The following PPP2R1B variants were observed in gnomAD, a reference collection of about 807,000 sequenced individuals.
PPP2R1B encodes the protein protein phosphatase 2 scaffold subunit Abeta.
Under a neutral mutation model 72.7 loss-of-function variants are expected in PPP2R1B, and 58 were observed. That is an observed-to-expected ratio of 0.80 (90% CI 0.65 to 0.99). The LOEUF is 0.99. Among genes scored for constraint, PPP2R1B ranks in the 50% least tolerant of loss-of-function variants. The pLI, the probability that PPP2R1B is intolerant of heterozygous loss-of-function variation, is 0.00. For synonymous variants in PPP2R1B, 256 were observed against 264.6 expected, an observed-to-expected ratio of 0.97 and a Z score of 0.32; for missense variants, 695 against 733.6, an observed-to-expected ratio of 0.95 and a Z score of 0.61.
the PPP2R1B span, among the ~76,000 whole-genome samples, chr11:111,710,548 AC>A: frequency 1.3e-5 from 2 of 152,240 alleles, no homozygotes; most frequent in Admixed American, 6.5e-5. Flanking sequence ...CTAACTAGGA[AC>A]CGTTAGTATT....
Position 111,754,714 on chromosome 11 carries a change from T to G in PPP2R1B, c.959-145A>C, listed in dbSNP as rs1945036675. Reference sequence around the variant, plus strand: ...AAAACAGCTCTTGTTCTAAATAAACTTTTTCGTGAACTCTCTATGCCATTG... The same window carrying G: ...AAAACAGCTCTTGTTCTAAATAAACGTTTTCGTGAACTCTCTATGCCATTG... On this transcript the variant is annotated intron_variant, in intron 7 of 14. Transcript: ENST00000527614. 16 of 1,399,320 alleles carry G rather than the reference T, an allele frequency of 1.1e-5. No homozygotes were observed. In the South Asian group the frequency reaches 2.3e-4, roughly 20 times the overall value. The allele number at this position is 1,399,320 out of a possible 1,614,324, so 86.7% of individuals were successfully genotyped here.
At chr11:111,745,271 C>T (rs1363646105) in intron 11 of PPP2R1B, among the ~76,000 whole-genome samples, 3 of 152,062 alleles carry the variant, frequency 2.0e-5, no homozygotes, top group African/African-American at 4.8e-5. Flanking sequence ...AGGCTGGTCT[C>T]GAACTCCTAA....
chr11:111,723,828 C>G, downstream of PPP2R1B: 1 of 1,613,612 alleles, frequency 6.2e-7, no homozygotes, highest in Non-Finnish European at 8.5e-7. Flanking sequence ...CCACCGCCAC[C>G]ACCCCCTCCA....
At chr11:111,753,340 T>A (rs1178262824) in intron 9 of PPP2R1B, 103 bp downstream of exon 9, 2 of 1,418,164 alleles carry the variant, frequency 1.4e-6, no homozygotes, top group East Asian at 2.3e-5. Flanking sequence ...ATGATTTTTT[T>A]ATCCATTTTC....
intron 10 of PPP2R1B, among the ~76,000 whole-genome samples, chr11:111,749,464 T>C (rs1944823130): frequency 6.6e-6 from 1 of 151,880 alleles, no homozygotes; most frequent in African/African-American, 2.4e-5. Flanking sequence ...ATTTTTTGTA[T>C]AGTAGAGATG....
the PPP2R1B span, among the ~76,000 whole-genome samples, chr11:111,695,062 G>A: frequency 5.3e-5 from 8 of 152,126 alleles, no homozygotes; most frequent in Non-Finnish European, 8.8e-5. Flanking sequence ...AGTGTTGGCC[G>A]ATCCACATTC....
chr11:111,727,713 G>A (rs1439283981), intron 15 of PPP2R1B: 1 of 152,610 alleles, frequency 6.6e-6, no homozygotes, highest in East Asian at 1.9e-4. Context: ...GATGTGGGGA[G>A]AAGGATATTC....
At chr11:111,699,763 TTACAGCAACCTGCTGACTA>T in the PPP2R1B span, among the ~76,000 whole-genome samples, 1 of 152,212 alleles carries the variant, frequency 6.6e-6, no homozygotes, top group African/African-American at 2.4e-5. Flanking sequence ...CATTGGGCCT[TTACAGCAACCTGCTGACTA>T]AGTGTATTTA....
At chr11:111,710,867 T>C in the PPP2R1B span, among the ~76,000 whole-genome samples, 16 of 152,346 alleles carry the variant, frequency 1.1e-4, no homozygotes, top group Non-Finnish European at 2.1e-4. Flanking sequence ...TTTGATTTGT[T>C]TGAGTTTAAA....
At chr11:111,748,255 G>T in intron 10 of PPP2R1B, among the ~76,000 whole-genome samples, 1 of 152,186 alleles carries the variant, frequency 6.6e-6, no homozygotes, top group East Asian at 1.9e-4. Context: ...AAGAGAACAG[G>T]GTGGCCAGAA....
At position 111,738,952 on chromosome 11, in the gene PPP2R1B, C is replaced by CA; in HGVS notation, c.*2643dup. On this transcript the variant is annotated 3_prime_UTR_variant, in exon 15 of 15. Transcript: ENST00000527614. ...TGCTTCATTTTTCTAATCAAACAAACAACTGATGTAAGCTGCCAAGGATGA... is the reference window on the plus strand; with the variant it reads ...TGCTTCATTTTTCTAATCAAACAAACAAACTGATGTAAGCTGCCAAGGATGA... 26 of 982,546 alleles carry CA rather than the reference C, an allele frequency of 2.6e-5. No individual in the cohort carries two copies. The highest frequency in any genetic ancestry group is 3.1e-5 in the Non-Finnish European group (26 of 829,692). The allele number at this position is 982,546 out of a possible 1,614,324, so 60.9% of individuals were successfully genotyped here. A position where few individuals can be genotyped will look rare whatever the true frequency, so the allele number is the denominator to read the frequency against.
In PPP2R1B at chr11:111,741,346, A is replaced by G; in HGVS notation, c.*250T>C. On this transcript the variant is annotated 3_prime_UTR_variant, in exon 15 of 15. Coordinates refer to ENST00000527614, the MANE Select transcript of PPP2R1B (RefSeq NM_002716.5). ...AGGTGGTGATGGATAAAGCATTAGG[A>G]GACAATCAAGTGTCAGGAATTGGTC... 3.0e-6 allele frequency: 4 copies of G among 1,330,190 alleles called. No individual in the cohort carries two copies. Among genetic ancestry groups the G allele is most frequent in the South Asian group, 1.8e-5 (1 of 56,068 alleles). 82.4% of individuals were successfully genotyped at this position (1,330,190 alleles called of 1,614,324 possible).
chr11:111,766,064 C>T (rs1375664040), intron 1 of PPP2R1B, 184 bp downstream of exon 1: 5 of 632,860 alleles, frequency 7.9e-6, no homozygotes, highest in Non-Finnish European at 1.4e-5. Context: ...TAGAGAGGTA[C>T]CCGGGAGGGT....
At chr11:111,724,433 G>C (rs372651064), downstream of PPP2R1B, 16 of 404,922 alleles carry the variant, frequency 4.0e-5, no homozygotes, top group South Asian at 3.7e-4. Context: ...AAGACATTCA[G>C]ACCCAGGTGT....
chr11:111,752,640 A>G (rs2136079074), intron 9 of PPP2R1B, among the ~76,000 whole-genome samples: 1 of 152,310 alleles, frequency 6.6e-6, no homozygotes, highest in Non-Finnish European at 1.5e-5. Context: ...GACCTTGCTC[A>G]AGTTACTTTA....
chr11:111,764,957 G>C, intron 2 of PPP2R1B, 52 bp from the exon 3 acceptor site: 1 of 1,597,078 alleles, frequency 6.3e-7, no homozygotes, highest in Non-Finnish European at 8.5e-7. Context: ...TCCCACAGCT[G>C]GACACTGACA....
At chr11:111,754,213 G>T (rs1289740726) in intron 8 of PPP2R1B, among the ~76,000 whole-genome samples, 1 of 152,200 alleles carries the variant, frequency 6.6e-6, no homozygotes, top group Non-Finnish European at 1.5e-5. Flanking sequence ...CACCATGCCT[G>T]ACCCCAAGGA....
chr11:111,717,938 G>A, the PPP2R1B span, among the ~76,000 whole-genome samples: 1 of 152,124 alleles, frequency 6.6e-6, no homozygotes, highest in African/African-American at 2.4e-5. Context: ...GGGAGGGAGA[G>A]CATCAGGAAG....
chr11:111,712,454 C>T, the PPP2R1B span: 3 of 1,409,918 alleles, frequency 2.1e-6, no homozygotes, highest in African/African-American at 4.3e-5. Flanking sequence ...TGTACTTTGG[C>T]TTTATTGAAC....
Sources: gnomAD v4.1 joint callset for allele counts (sites outside exome capture counted in the v4.1 genomes callset) on GRCh38, gnomAD v4.1.1 for gene constraint, MANE v1.5 for transcripts, NCBI Gene and HGNC (gene_info 2026-07-23, HGNC 2026-07-21) for gene names.